The following ARHGAP15 variants were observed in gnomAD, a reference collection of about 807,000 sequenced individuals.
ARHGAP15 encodes rho GTPase-activating protein 15.
Under a neutral mutation model 63.7 loss-of-function variants are expected in ARHGAP15, and 51 were observed. That is an observed-to-expected ratio of 0.80 (90% CI 0.64 to 1.01). The LOEUF is 1.01. Among genes scored for constraint, ARHGAP15 ranks in the 50% least tolerant of loss-of-function variants. ARHGAP15 has a pLI of 0.00. For synonymous variants in ARHGAP15, 191 were observed against 193.8 expected, an observed-to-expected ratio of 0.99 and a Z score of 0.12; for missense variants, 560 against 564.6, an observed-to-expected ratio of 0.99 and a Z score of 0.08.
rs554567620 is a variant in ARHGAP15 at position 143,694,881 on chromosome 2, G to A, written c.1139-8538G>A. Among the ~76,000 whole-genome samples the A allele has an allele frequency of 2.0e-5, 3 of 151,596 alleles. No individual in the cohort carries two copies. In the East Asian group the frequency reaches 5.8e-4, roughly 29 times the overall value. The stretch of plus-strand genomic sequence containing the variant: ...TATTTTTAACCCAAAGACAGGAAAA[G>A]TGTTTCTTAATTCACATTTTTCTTA... On this transcript the variant is annotated intron_variant, in intron 12 of 13. Coordinates refer to ENST00000295095, the MANE Select transcript of ARHGAP15 (RefSeq NM_018460.4).
At chr2:143,519,467 T>C in intron 10 of ARHGAP15, 103 bp downstream of exon 10, 4 of 873,048 alleles carry the variant, frequency 4.6e-6, no homozygotes, top group Non-Finnish European at 7.3e-6. Flanking sequence ...AGCCATGCAA[T>C]TAAAACTTGA....
intron 13 of ARHGAP15, among the ~76,000 whole-genome samples, chr2:143,736,693 C>T (rs1427987157): frequency 6.6e-6 from 1 of 152,184 alleles, no homozygotes; most frequent in Non-Finnish European, 1.5e-5. Context: ...ACAGTTACTA[C>T]TCTGTATATC....
At chr2:143,602,258 G>T (rs1233362990) in intron 11 of ARHGAP15, among the ~76,000 whole-genome samples, 1 of 152,116 alleles carries the variant, frequency 6.6e-6, no homozygotes, top group Non-Finnish European at 1.5e-5. Flanking sequence ...AGTTGAAAAA[G>T]AAGATAGCCC....
intron 13 of ARHGAP15, 59 bp downstream of exon 13, chr2:143,703,583 T>C (rs1684191180): frequency 2.2e-6 from 3 of 1,366,438 alleles, no homozygotes; most frequent in Admixed American, 2.0e-5. Context: ...ATGGGCAATA[T>C]TGAATTTCAC....
intron 12 of ARHGAP15, among the ~76,000 whole-genome samples, chr2:143,687,101 A>T (rs1412997885): frequency 6.6e-6 from 1 of 152,188 alleles, no homozygotes; most frequent in Non-Finnish European, 1.5e-5. Context: ...AGGGATATGA[A>T]TCAGCTGGGT....
intron 9 of ARHGAP15, among the ~76,000 whole-genome samples, chr2:143,489,152 G>A (rs1204363157): frequency 6.6e-6 from 1 of 152,150 alleles, no homozygotes; most frequent in Non-Finnish European, 1.5e-5. Flanking sequence ...AAATAAAAGG[G>A]GTTTTAATTC....
Position 143,435,801 on chromosome 2 carries a change from T to A in ARHGAP15, c.573+102T>A, listed in dbSNP as rs979850217. ...CACACACTCATTTAAATAGATCCTA[T>A]GGACTGAGAGGGATTAAGTTCTTTT... On this transcript the variant is annotated intron_variant, in intron 7 of 13. Transcript: ENST00000295095. 6.7e-6 allele frequency: 8 copies of A among 1,190,706 alleles called. No homozygotes were observed. In the African/African-American group the frequency reaches 1.3e-4, roughly 19 times the overall value. The allele number at this position is 1,190,706 out of a possible 1,614,324, so 73.8% of individuals were successfully genotyped here.
chr2:143,591,824 T>G (rs1406499327), intron 11 of ARHGAP15, among the ~76,000 whole-genome samples: 2 of 152,096 alleles, frequency 1.3e-5, no homozygotes, highest in Admixed American at 6.6e-5. Flanking sequence ...TTCACCATGT[T>G]GGCCAGGCTG....
chr2:143,216,522 T>C (rs1346022231), intron 4 of ARHGAP15, 77 bp downstream of exon 4: 2 of 1,096,278 alleles, frequency 1.8e-6, no homozygotes, highest in African/African-American at 3.1e-5. Context: ...CTGTTATTGT[T>C]TGGGATGCAA....
rs1329601630 is a variant in ARHGAP15 at position 143,531,167 on chromosome 2, C to A, written c.925+11803C>A. ...TGTTCTGGAAGGTAGCTTTAATATC[C>A]TAACTGAGGACATTTTACCAAAGAT... On this transcript the variant is annotated intron_variant, in intron 10 of 13. Transcript: ENST00000295095. Among the ~76,000 whole-genome samples, 4 of 151,658 alleles carry A rather than the reference C, an allele frequency of 2.6e-5. No homozygotes were observed. In the East Asian group the frequency reaches 7.7e-4, roughly 29 times the overall value.
chr2:143,729,485 A>G (rs973727933), intron 13 of ARHGAP15, among the ~76,000 whole-genome samples: 2 of 152,154 alleles, frequency 1.3e-5, no homozygotes, highest in Admixed American at 6.5e-5. Flanking sequence ...TTTGTTTTCC[A>G]AGTCTTTACC....
chr2:143,146,150 C>T (rs1005950914), intron 1 of ARHGAP15, among the ~76,000 whole-genome samples: 14 of 151,634 alleles, frequency 9.2e-5, no homozygotes, highest in African/African-American at 3.4e-4. Context: ...TTAAAACATG[C>T]CATTAAGAGA....
chr2:143,241,289 A>G (rs1045627915), intron 5 of ARHGAP15, among the ~76,000 whole-genome samples: 2 of 152,146 alleles, frequency 1.3e-5, no homozygotes, highest in African/African-American at 4.8e-5. Context: ...GCTCTAGTTT[A>G]TTTTCAAATA....
chr2:143,151,725 G>A (rs1689829777), intron 1 of ARHGAP15, among the ~76,000 whole-genome samples: 2 of 151,936 alleles, frequency 1.3e-5, no homozygotes, highest in Non-Finnish European at 2.9e-5. Flanking sequence ...AAAACTGTTG[G>A]GATGTAGGCA....
At chr2:143,663,732 A>G in intron 12 of ARHGAP15, among the ~76,000 whole-genome samples, 1 of 151,082 alleles carries the variant, frequency 6.6e-6, no homozygotes, top group East Asian at 1.9e-4. Flanking sequence ...TCTACCAAGC[A>G]AATGGAAAAC....
chr2:143,323,196 A>G (rs898830269), intron 6 of ARHGAP15, among the ~76,000 whole-genome samples: 2 of 152,256 alleles, frequency 1.3e-5, no homozygotes, highest in African/African-American at 4.8e-5. Context: ...GAGAAGGAAC[A>G]CGTACAGGTT....
intron 8 of ARHGAP15, among the ~76,000 whole-genome samples, chr2:143,448,593 C>T (rs1253221932): frequency 6.6e-6 from 1 of 152,018 alleles, no homozygotes. Context: ...GTTTTCTTGA[C>T]ATATATTGTA....
At chr2:143,661,683 G>A (rs1029379502) in intron 12 of ARHGAP15, among the ~76,000 whole-genome samples, 3 of 152,196 alleles carry the variant, frequency 2.0e-5, no homozygotes, top group African/African-American at 4.8e-5. Context: ...TCACTAGGGA[G>A]TGCCAGACAG....
intron 2 of ARHGAP15, among the ~76,000 whole-genome samples, chr2:143,157,622 G>A (rs569190155): frequency 3.3e-5 from 5 of 151,548 alleles, no homozygotes; most frequent in Non-Finnish European, 5.9e-5. Flanking sequence ...GTATTTTAGT[G>A]AGGATGTGTC....
Sources: allele counts gnomAD v4.1 joint callset (sites outside exome capture counted in the v4.1 genomes callset), GRCh38; gene constraint gnomAD v4.1.1; transcripts MANE v1.5; gene names NCBI Gene and HGNC (gene_info 2026-07-23, HGNC 2026-07-21).